The following RIMS1 variants were observed in gnomAD, a reference collection of about 807,000 sequenced individuals.
The protein encoded by RIMS1 is regulating synaptic membrane exocytosis protein 1.
RIMS1 carries 83 observed loss-of-function variants against 214.1 expected under a neutral mutation model. The ratio of observed to expected loss-of-function variants is 0.39; its 90% confidence interval spans 0.32 to 0.47. The LOEUF (loss-of-function observed/expected upper bound fraction) is 0.47. RIMS1 is among the 20% of genes least tolerant of loss of function. The pLI is 0.99. For synonymous variants in RIMS1, 793 were observed against 786.8 expected, an observed-to-expected ratio of 1.01 and a Z score of -0.13; for missense variants, 2,050 against 2,161.8, an observed-to-expected ratio of 0.95 and a Z score of 1.03.
chr6:72,059,779 A>G (rs941437645), intron 2 of RIMS1, among the ~76,000 whole-genome samples: 9 of 152,188 alleles, frequency 5.9e-5, no homozygotes, highest in African/African-American at 2.2e-4. Context: ...TGAATCAATC[A>G]ATTAAATGTG....
chr6:72,137,963 C>G (rs538550892), intron 4 of RIMS1, among the ~76,000 whole-genome samples: 1 of 152,086 alleles, frequency 6.6e-6, no homozygotes, highest in Non-Finnish European at 1.5e-5. Context: ...GTCTCGATCT[C>G]CTGACCTCGT....
At chr6:72,204,314 C>T (rs1457814544) in intron 6 of RIMS1, among the ~76,000 whole-genome samples, 1 of 152,154 alleles carries the variant, frequency 6.6e-6, no homozygotes, top group Non-Finnish European at 1.5e-5. Context: ...TCATTCCAGT[C>T]GGTGCGGTGG....
At chr6:72,398,166 G>T in intron 31 of RIMS1, 83 bp from the exon 32 acceptor site, 1 of 760,324 alleles carries the variant, frequency 1.3e-6, no homozygotes, top group Non-Finnish European at 2.2e-6. Flanking sequence ...AAAATCTGTA[G>T]TCTGTTACGG....
chr6:72,111,800 C>G (rs1458544005), intron 4 of RIMS1, among the ~76,000 whole-genome samples: 1 of 152,142 alleles, frequency 6.6e-6, no homozygotes, highest in Non-Finnish European at 1.5e-5. Flanking sequence ...CATTCCTAGT[C>G]TGCATTCCTT....
intron 1 of RIMS1, among the ~76,000 whole-genome samples, chr6:71,909,853 T>A (rs886196133): frequency 4.6e-5 from 7 of 152,190 alleles, no homozygotes. Context: ...GTTTGGATTC[T>A]AAAATTTGCT....
chr6:72,208,960 T>A (rs958656639), intron 6 of RIMS1, among the ~76,000 whole-genome samples: 6 of 152,142 alleles, frequency 3.9e-5, no homozygotes, highest in Admixed American at 2.0e-4. Context: ...GTCTGGAAGC[T>A]TTAGGGCTCT....
chr6:72,271,835 A>G (rs548551971), intron 22 of RIMS1, among the ~76,000 whole-genome samples: 5 of 152,136 alleles, frequency 3.3e-5, no homozygotes, highest in Non-Finnish European at 7.4e-5. Flanking sequence ...ATTCTGTGCT[A>G]TGCATAATGG....
At chr6:72,305,233 C>T (rs1449246371) in intron 26 of RIMS1, among the ~76,000 whole-genome samples, 1 of 152,036 alleles carries the variant, frequency 6.6e-6, no homozygotes, top group African/African-American at 2.4e-5. Context: ...CAGACTGCTT[C>T]TGGCCAGTAG....
chr6:72,132,894 T>C (rs953254110), intron 4 of RIMS1, among the ~76,000 whole-genome samples: 18 of 152,230 alleles, frequency 1.2e-4, no homozygotes, highest in Admixed American at 7.9e-4. Context: ...TAATATTTAT[T>C]GAGCACATAA....
chr6:72,093,228 A>ATATATATATATATATATATATATATATAT (rs200655727), intron 2 of RIMS1, among the ~76,000 whole-genome samples: 4,153 of 135,274 alleles, frequency 0.031, 331 homozygotes, highest in South Asian at 0.043. Flanking sequence ...ATATATATAT[A>ATATATATATATATATATATATATATATAT]AAAACATGTG....
chr6:72,051,544 C>T (rs1370713055), intron 2 of RIMS1, among the ~76,000 whole-genome samples: 1 of 152,068 alleles, frequency 6.6e-6, no homozygotes, highest in Admixed American at 6.6e-5. Flanking sequence ...AGATGTAATG[C>T]CTAGTCGTGG....
At chr6:71,956,119 A>G (rs192124982) in intron 1 of RIMS1, among the ~76,000 whole-genome samples, 3 of 152,276 alleles carry the variant, frequency 2.0e-5, no homozygotes, top group Admixed American at 2.0e-4. Context: ...AAATGTATGT[A>G]TGAACAGTAG....
intron 1 of RIMS1, among the ~76,000 whole-genome samples, chr6:71,903,908 G>GTA (rs1368630742): frequency 6.6e-6 from 1 of 152,102 alleles, no homozygotes; most frequent in Non-Finnish European, 1.5e-5. Context: ...ATACATGTAT[G>GTA]TATATATGCA....
At chr6:72,090,869 T>C (rs1044913969) in intron 2 of RIMS1, among the ~76,000 whole-genome samples, 2 of 152,184 alleles carry the variant, frequency 1.3e-5, no homozygotes, top group African/African-American at 4.8e-5. Flanking sequence ...TAGGGCTCCC[T>C]CTTGGACAAC....
intron 2 of RIMS1, among the ~76,000 whole-genome samples, chr6:72,006,352 T>C (rs1342503379): frequency 6.6e-6 from 1 of 152,028 alleles, no homozygotes; most frequent in African/African-American, 2.4e-5. Context: ...TGGAGGGCGG[T>C]TCCAAGATGG....
intron 2 of RIMS1, among the ~76,000 whole-genome samples, chr6:72,052,766 GT>G (rs1211320568): frequency 1.3e-5 from 2 of 152,128 alleles, no homozygotes; most frequent in Non-Finnish European, 2.9e-5. Context: ...TCTCTTCCTT[GT>G]TGATTTAGTT....
intron 4 of RIMS1, among the ~76,000 whole-genome samples, chr6:72,166,190 A>G (rs965852810): frequency 3.3e-5 from 5 of 152,220 alleles, no homozygotes; most frequent in African/African-American, 9.6e-5. Context: ...AAAGAGAGCT[A>G]GAGAGAGAAA....
intron 22 of RIMS1, among the ~76,000 whole-genome samples, chr6:72,268,642 G>T (rs1473376658): frequency 3.3e-5 from 5 of 152,140 alleles, no homozygotes; most frequent in Non-Finnish European, 7.4e-5. Flanking sequence ...AAAACCATCA[G>T]ATACACCTAT....
intron 10 of RIMS1, among the ~76,000 whole-genome samples, chr6:72,243,312 A>C (rs889859393): frequency 2.0e-5 from 3 of 151,898 alleles, no homozygotes; most frequent in Non-Finnish European, 4.4e-5. Context: ...AAGAAGATAT[A>C]ATTATCATAA....
Sources: gnomAD v4.1 joint callset for allele counts (sites outside exome capture counted in the v4.1 genomes callset) on GRCh38, gnomAD v4.1.1 for gene constraint, MANE v1.5 for transcripts, NCBI Gene and HGNC (gene_info 2026-07-23, HGNC 2026-07-21) for gene names.